CNNM2: variants seen among roughly 807,000 people sequenced by gnomAD.
The protein encoded by CNNM2 is cyclin and CBS domain divalent metal cation transport mediator 2, also known as metal transporter CNNM2.
Under a neutral mutation model 66.9 loss-of-function variants are expected in CNNM2, and 12 were observed. The observed-to-expected ratio is 0.18, with a 90% CI of 0.11 to 0.29. The LOEUF (loss-of-function observed/expected upper bound fraction) is 0.29, where lower values mean the gene tolerates loss of function less well. Among genes scored for constraint, CNNM2 ranks in the 10% least tolerant of loss-of-function variants. The pLI is 1.00. For synonymous variants in CNNM2, 557 were observed against 501.8 expected (o/e 1.11, Z -1.47); for missense variants, 705 against 1,167.7 (o/e 0.60, Z 5.77).
At chr10:102,986,786 A>AC (rs1042791444) in intron 1 of CNNM2, among the ~76,000 whole-genome samples, 16 of 151,538 alleles carry the variant, frequency 1.1e-4, no homozygotes, top group Non-Finnish European at 2.2e-4. Flanking sequence ...TCTCAAAAAA[A>AC]AAAAAAAAAA....
chr10:103,011,236 CGAGGGCAG>C (rs1564844183), intron 1 of CNNM2, among the ~76,000 whole-genome samples: 1 of 151,922 alleles, frequency 6.6e-6, no homozygotes, highest in East Asian at 1.9e-4. Flanking sequence ...AGGCAGATCA[CGAGGGCAG>C]GAGTTCGAGA....
At position 103,040,686 on chromosome 10, in the gene CNNM2, G is replaced by GC. The variant is rs141023250; in HGVS notation, c.1622-9020dup. Reference sequence around the variant, plus strand: ...GGGAGACCATGTTGTAGCACACTGAGCTACAGGTGTGCAGATAACAAGCTG... The same window carrying GC: ...GGGAGACCATGTTGTAGCACACTGAGCCTACAGGTGTGCAGATAACAAGCTG... On this transcript the variant is annotated intron_variant, in intron 1 of 7. Coordinates refer to ENST00000369878, the MANE Select transcript of CNNM2 (RefSeq NM_017649.5). 0.04 allele frequency among the ~76,000 whole-genome samples: 6,069 copies of GC among 152,220 alleles called. 173 individuals carry two copies. Among genetic ancestry groups the GC allele is most frequent in the Non-Finnish European group, 0.056 (3,833 of 68,022 alleles).
At chr10:103,026,643 A>G (rs540562779) in intron 1 of CNNM2, among the ~76,000 whole-genome samples, 2 of 151,814 alleles carry the variant, frequency 1.3e-5, no homozygotes, top group East Asian at 3.9e-4. Context: ...AAACAGAAAT[A>G]ACCAATTCTT....
chr10:102,958,375 G>A (rs1564820852), intron 1 of CNNM2, among the ~76,000 whole-genome samples: 1 of 149,960 alleles, frequency 6.7e-6, no homozygotes, highest in African/African-American at 2.5e-5. Context: ...ACGGTTTTTG[G>A]TATGTCTTCA....
intron 1 of CNNM2, among the ~76,000 whole-genome samples, chr10:102,948,319 G>A (rs1025887503): frequency 1.6e-4 from 24 of 152,140 alleles, no homozygotes; most frequent in Non-Finnish European, 2.6e-4. Flanking sequence ...CAGGTGGGAC[G>A]GGAGGGAAGA....
At chr10:102,953,261 T>C (rs1846906649) in intron 1 of CNNM2, among the ~76,000 whole-genome samples, 1 of 152,158 alleles carries the variant, frequency 6.6e-6, no homozygotes, top group East Asian at 1.9e-4. Flanking sequence ...TGTAGCTTCA[T>C]TTATTTATTT....
chr10:103,045,686 C>G (rs1301122213), intron 1 of CNNM2, among the ~76,000 whole-genome samples: 1 of 150,520 alleles, frequency 6.6e-6, no homozygotes, highest in Non-Finnish European at 1.5e-5. Context: ...CCTACTTTGG[C>G]TTCATTTATG....
chr10:103,039,639 G>A (rs1590441651), intron 1 of CNNM2, among the ~76,000 whole-genome samples: 1 of 152,184 alleles, frequency 6.6e-6, no homozygotes, highest in African/African-American at 2.4e-5. Context: ...TAAGAGTAAT[G>A]TGGGTATAGA....
intron 1 of CNNM2, among the ~76,000 whole-genome samples, chr10:103,035,332 T>C (rs1028322412): frequency 1.3e-5 from 2 of 152,204 alleles, no homozygotes; most frequent in Non-Finnish European, 2.9e-5. Context: ...TCCCATCATC[T>C]CAGCCTGAAA....
intron 1 of CNNM2, among the ~76,000 whole-genome samples, chr10:102,965,768 A>G (rs2063453816): frequency 2.0e-5 from 3 of 152,216 alleles, no homozygotes; most frequent in Non-Finnish European, 4.4e-5. Flanking sequence ...CATCTCTGAA[A>G]ATAAAAGCAG....
intron 1 of CNNM2, among the ~76,000 whole-genome samples, chr10:102,937,468 A>AT (rs1846278954): frequency 6.6e-6 from 1 of 152,212 alleles, no homozygotes; most frequent in African/African-American, 2.4e-5. Flanking sequence ...ATTTGGGGAC[A>AT]TGATGGTTTT....
At chr10:103,035,726 G>A (rs981921491) in intron 1 of CNNM2, among the ~76,000 whole-genome samples, 4 of 152,134 alleles carry the variant, frequency 2.6e-5, no homozygotes, top group Non-Finnish European at 2.9e-5. Flanking sequence ...GGGTGGTGGT[G>A]GGAATGTGAG....
rs2134379941 is a variant in CNNM2 at position 103,083,539 on chromosome 10, G to A, written c.*6359G>A. On this transcript the variant is annotated 3_prime_UTR_variant, in exon 8 of 8. Coordinates refer to ENST00000369878, the MANE Select transcript of CNNM2 (RefSeq NM_017649.5). ...TGGATCTCAGCATGACAACATAGAA[G>A]AGCATCTTCTTTGGACAGTGTAAAG... The A allele has an allele frequency of 6.6e-6, 1 of 152,318 alleles. No homozygotes were observed. Among genetic ancestry groups the A allele is most frequent in the African/African-American group, 2.4e-5 (1 of 41,562 alleles). 9.4% of individuals were successfully genotyped at this position (152,318 alleles called of 1,614,324 possible).
chr10:102,925,840 A>G (rs1260008448), intron 1 of CNNM2, among the ~76,000 whole-genome samples: 1 of 152,148 alleles, frequency 6.6e-6, no homozygotes, highest in Non-Finnish European at 1.5e-5. Context: ...TTTTATTTTT[A>G]TCTTAGTTTA....
intron 1 of CNNM2, among the ~76,000 whole-genome samples, chr10:102,986,779 C>CAAAAA (rs58137673): frequency 8.3e-6 from 1 of 120,580 alleles, no homozygotes; most frequent in African/African-American, 3.2e-5. Flanking sequence ...GACTCAGTCT[C>CAAAAA]AAAAAAAAAA....
chr10:103,052,042 C>T lies in CNNM2; in HGVS notation c.1765+2192C>T, dbSNP rs147232882. Among the ~76,000 whole-genome samples, 552 of 151,796 alleles carry T rather than the reference C, an allele frequency of 3.6e-3. 4 individuals are homozygous for T. Among genetic ancestry groups the T allele is most frequent in the African/African-American group, 0.013 (537 of 41,380 alleles). ...CTGTAATCCCAGCACTTTGGGAGGGCGAGGCAGGCGGATCATGAGGTCAAG... is the reference window on the plus strand; with the variant it reads ...CTGTAATCCCAGCACTTTGGGAGGGTGAGGCAGGCGGATCATGAGGTCAAG... On this transcript the variant is annotated intron_variant, in intron 2 of 7. Coordinates refer to ENST00000369878, the MANE Select transcript of CNNM2 (RefSeq NM_017649.5).
intron 1 of CNNM2, among the ~76,000 whole-genome samples, chr10:102,996,793 C>A (rs142725827): frequency 3.9e-5 from 6 of 152,286 alleles, no homozygotes; most frequent in Middle Eastern, 3.4e-3. Context: ...TAGTAGTATA[C>A]CTTTCTTTCC....
chr10:102,933,296 A>G (rs1846125632), intron 1 of CNNM2, among the ~76,000 whole-genome samples: 1 of 152,180 alleles, frequency 6.6e-6, no homozygotes, highest in Non-Finnish European at 1.5e-5. Context: ...GGTCCTCTTT[A>G]ATTTCCTTCA....
intron 1 of CNNM2, among the ~76,000 whole-genome samples, chr10:102,942,651 C>T (rs1454318729): frequency 6.6e-6 from 1 of 152,142 alleles, no homozygotes; most frequent in Non-Finnish European, 1.5e-5. Context: ...GGAGTCCCTG[C>T]TTTGAGTTCT....
Sources: gnomAD v4.1 joint callset for allele counts (sites outside exome capture counted in the v4.1 genomes callset) on GRCh38, gnomAD v4.1.1 for gene constraint, MANE v1.5 for transcripts, NCBI Gene and HGNC (gene_info 2026-07-23, HGNC 2026-07-21) for gene names.